SLC39A10: variants seen among roughly 807,000 people sequenced by gnomAD.
SLC39A10 encodes solute carrier family 39 member 10, also known as zinc transporter ZIP10.
In SLC39A10, 13 loss-of-function variants were observed where a neutral mutation model predicts 65.1. That is an observed-to-expected ratio of 0.20 (90% confidence interval 0.13 to 0.32). SLC39A10 has a LOEUF of 0.32. Among genes scored for constraint, SLC39A10 ranks in the 10% least tolerant of loss-of-function variants. The pLI is 1.00. For synonymous variants in SLC39A10, 321 were observed against 342.2 expected (o/e 0.94, Z 0.68); for missense variants, 831 against 1,018.4 (o/e 0.82, Z 2.50).
intron 2 of SLC39A10, among the ~76,000 whole-genome samples, chr2:195,682,834 G>A (rs1040560785): frequency 2.0e-5 from 3 of 150,176 alleles, no homozygotes; most frequent in African/African-American, 7.4e-5. Flanking sequence ...ATTAAGTGGT[G>A]CTAAATAGAA....
At chr2:195,620,402 C>G (rs527631428) in intron 2 of SLC39A10, among the ~76,000 whole-genome samples, 230 of 152,270 alleles carry the variant, frequency 1.5e-3, no homozygotes, top group African/African-American at 5.0e-3. Context: ...AGAAATACTT[C>G]CCCAGAGTTC....
At chr2:195,695,610 G>C (rs1408665127) in intron 3 of SLC39A10, among the ~76,000 whole-genome samples, 1 of 152,182 alleles carries the variant, frequency 6.6e-6, no homozygotes, top group Admixed American at 6.5e-5. Context: ...TTCCTCCAAA[G>C]GTCTGTGAAT....
intron 1 of SLC39A10, among the ~76,000 whole-genome samples, chr2:195,672,430 G>T (rs1484551644): frequency 6.6e-6 from 1 of 152,044 alleles, no homozygotes; most frequent in Non-Finnish European, 1.5e-5. Flanking sequence ...ACCATACCTG[G>T]CCTAAATGAT....
intron 1 of SLC39A10, among the ~76,000 whole-genome samples, chr2:195,664,532 ACTG>A (rs1325017370): frequency 7.8e-4 from 119 of 152,284 alleles, no homozygotes; most frequent in African/African-American, 2.5e-3. Context: ...AAGGAACAGA[ACTG>A]CAGGGTTTTT....
At chr2:195,638,182 G>A (rs544462791) in intron 2 of SLC39A10, among the ~76,000 whole-genome samples, 10 of 152,020 alleles carry the variant, frequency 6.6e-5, no homozygotes, top group African/African-American at 1.9e-4. Context: ...AAATAGAGAC[G>A]GGACCTTGCT....
chr2:195,734,682 T>A (rs1332751771), intron 9 of SLC39A10, among the ~76,000 whole-genome samples: 1 of 152,082 alleles, frequency 6.6e-6, no homozygotes, highest in Non-Finnish European at 1.5e-5. Context: ...GGAACAGAGT[T>A]AGTATTTCCT....
chr2:195,615,117 A>G (rs150361061), intron 2 of SLC39A10, among the ~76,000 whole-genome samples: 105 of 152,270 alleles, frequency 6.9e-4, no homozygotes, highest in Middle Eastern at 3.4e-3. Flanking sequence ...TACTAGATAG[A>G]TACTGGGTAG....
chr2:195,630,458 G>A (rs767733588), intron 2 of SLC39A10, among the ~76,000 whole-genome samples: 2 of 152,160 alleles, frequency 1.3e-5, no homozygotes, highest in Admixed American at 6.5e-5. Flanking sequence ...TGTCCTCTTG[G>A]TTTTTCAGAG....
At position 195,736,130 on chromosome 2, in the gene SLC39A10, G is replaced by T. The variant is rs1692594532; in HGVS notation, c.*1089G>T. ...AGTTACTAGGATAAACTCCATTATT[G>T]CCATGGCTGTCATGGTACCCAAGTG... On this transcript the variant is annotated 3_prime_UTR_variant, in exon 10 of 10. Coordinates refer to ENST00000359634, the MANE Select transcript of SLC39A10 (RefSeq NM_020342.3). 6.6e-6 allele frequency: 1 copy of T among 152,494 alleles called. No homozygotes were observed. The highest frequency in any genetic ancestry group is 2.4e-5 in the African/African-American group (1 of 41,412). The allele number at this position is 152,494 out of a possible 1,614,324, so 9.4% of individuals were successfully genotyped here.
At chr2:195,669,227 T>C (rs542547754) in intron 1 of SLC39A10, among the ~76,000 whole-genome samples, 3 of 152,314 alleles carry the variant, frequency 2.0e-5, no homozygotes, top group East Asian at 3.9e-4. Context: ...TTTTTTCTAT[T>C]GAGTAAGTAG....
In SLC39A10 at chr2:195,716,672, A is replaced by G; in HGVS notation, c.1732A>G (p.Asn578Asp). Residue 578 changes from asparagine to aspartate, a missense_variant, in exon 7 of 10, where the codon AAT (asparagine) becomes GAT (aspartate). Physicochemically the swap from Asn to Asp is conservative, Grantham distance 23. This residue lies in a region of SLC39A10 where 230 missense variants were observed against 242.9 expected (regional missense o/e 0.95). Coordinates refer to ENST00000359634, the MANE Select transcript of SLC39A10 (RefSeq NM_020342.3). ...DDSVVSEDRL[N>D]ETELTDLEGQ... ...CTCGGTTGTTTCTGAAGATCGACTTAATGAAACTGAACTGACAGATTTAGA... is the reference window on the plus strand; with the variant it reads ...CTCGGTTGTTTCTGAAGATCGACTTGATGAAACTGAACTGACAGATTTAGA... 6.2e-7 allele frequency: 1 copy of G among 1,611,964 alleles called. No homozygotes were observed. The highest frequency in any genetic ancestry group is 8.5e-7 in the Non-Finnish European group (1 of 1,179,100).
At chr2:195,717,050 T>C in intron 7 of SLC39A10, 45 bp downstream of exon 7, 1 of 1,563,620 alleles carries the variant, frequency 6.4e-7, no homozygotes, top group Non-Finnish European at 8.6e-7. Flanking sequence ...TTATGGACTA[T>C]AATATGTATG....
At chr2:195,704,497 G>T (rs1213123397) in intron 3 of SLC39A10, among the ~76,000 whole-genome samples, 1 of 151,868 alleles carries the variant, frequency 6.6e-6, no homozygotes. Flanking sequence ...AACCATTTTT[G>T]ATTTAGCTGG....
At chr2:195,699,956 A>G (rs1459417868) in intron 3 of SLC39A10, among the ~76,000 whole-genome samples, 1 of 152,086 alleles carries the variant, frequency 6.6e-6, no homozygotes, top group Non-Finnish European at 1.5e-5. Context: ...ATAAACGTTT[A>G]TAATTGTTTT....
intron 1 of SLC39A10, among the ~76,000 whole-genome samples, chr2:195,658,770 T>A (rs547953837): frequency 7.0e-4 from 106 of 152,192 alleles, no homozygotes; most frequent in African/African-American, 2.4e-3. Flanking sequence ...CAACGCACAT[T>A]CTGCAGACAC....
chr2:195,667,573 T>C (rs1265062196), intron 1 of SLC39A10, among the ~76,000 whole-genome samples: 5 of 152,248 alleles, frequency 3.3e-5, no homozygotes, highest in African/African-American at 1.2e-4. Flanking sequence ...CCCTCCACCA[T>C]ACTTTTTGTA....
chr2:195,703,142 C>T (rs1045784344), intron 3 of SLC39A10, among the ~76,000 whole-genome samples: 6 of 152,132 alleles, frequency 3.9e-5, no homozygotes, highest in African/African-American at 1.4e-4. Flanking sequence ...TGAAATACCC[C>T]CTATCTCATA....
chr2:195,623,022 TG>T (rs966483644), intron 2 of SLC39A10, among the ~76,000 whole-genome samples: 1 of 149,662 alleles, frequency 6.7e-6, no homozygotes, highest in African/African-American at 2.5e-5. Context: ...CATTCATGTC[TG>T]GGCTTGAAGA....
intron 1 of SLC39A10, among the ~76,000 whole-genome samples, chr2:195,662,270 T>G (rs1184451715): frequency 6.7e-6 from 1 of 150,336 alleles, no homozygotes; most frequent in African/African-American, 2.5e-5. Flanking sequence ...TACTGTGGTG[T>G]TCCCTTTTTT....
Sources: gnomAD v4.1 joint callset for allele counts (sites outside exome capture counted in the v4.1 genomes callset) on GRCh38, gnomAD v4.1.1 for gene constraint, gnomAD v4.1.1 regional missense constraint, MANE v1.5 for transcripts, NCBI Gene and HGNC (gene_info 2026-07-23, HGNC 2026-07-21) for gene names.